LRFN4: variants seen among roughly 807,000 people sequenced by gnomAD.
LRFN4 encodes leucine-rich repeat and fibronectin type-III domain-containing protein 4.
A neutral mutation model predicts 29.0 loss-of-function variants in LRFN4; 10 were observed. The observed-to-expected ratio is 0.35, with a 90% CI of 0.21 to 0.59. The LOEUF (loss-of-function observed/expected upper bound fraction) is 0.59, where lower values mean the gene tolerates loss of function less well. Among genes scored for constraint, LRFN4 ranks in the 20% least tolerant of loss-of-function variants. LRFN4 has a pLI of 0.82. For synonymous variants in LRFN4, 493 were observed against 437.0 expected, an observed-to-expected ratio of 1.13 and a Z score of -1.60; for missense variants, 850 against 907.9, an observed-to-expected ratio of 0.94 and a Z score of 0.82.
chr11:66,858,958 C>A lies in LRFN4; in HGVS notation c.1214C>A (p.Ser405Tyr). The change falls in exon 1 of 2, where the codon TCT becomes TAT. Residue 405 changes from serine to tyrosine, a missense_variant. Ser to Tyr is a moderately radical substitution (Grantham distance 144, BLOSUM62 -2). Around this residue, in one of 2 missense-constraint regions of LRFN4, gnomAD observed 744 missense variants for 753.8 expected, o/e 0.99. Transcript: ENST00000309602. The surrounding 1 kb of genome is among the most constrained non-coding windows in gnomAD (Gnocchi z 5.9). ...GCCGAGGGTGAGGGGACGCTGGAGT[C>A]TGAGCCAGCCGTGCAGGTGACGGAG... is the stretch of plus-strand genomic sequence containing the variant. ...TAAEGEGTLE[S>Y]EPAVQVTEVT... 6.3e-7 allele frequency: 1 copy of A among 1,576,922 alleles called. No homozygotes were observed. Among genetic ancestry groups the A allele is most frequent in the South Asian group, 1.1e-5 (1 of 86,970 alleles).
chr11:66,857,668 T>C lies in LRFN4; in HGVS notation c.-77T>C. The C allele has an allele frequency of 6.9e-7, 1 of 1,453,386 alleles. No individual in the cohort carries two copies. Among genetic ancestry groups the C allele is most frequent in the African/African-American group, 1.4e-5 (1 of 71,020 alleles). 90.0% of individuals were successfully genotyped at this position (1,453,386 alleles called of 1,614,324 possible). On this transcript the variant is annotated 5_prime_UTR_variant, in exon 1 of 2. Coordinates refer to ENST00000309602, the MANE Select transcript of LRFN4 (RefSeq NM_024036.5). This position sits in a 1 kb window ranked among gnomAD's most constrained non-coding sequence, Gnocchi z 7.1. ...GCTCACAGAAGCTGGCTTCTGGGAC[T>C]GTCCTGGGCCCAAGTGGGCACCTGC...
At position 66,859,855 on chromosome 11, in the gene LRFN4, G is replaced by T; in HGVS notation, c.1568G>T (p.Gly523Val). ...VLGGTLTVAV[G>V]GVLVAALLVF... is the part of the protein sequence containing the mutation. ...GGCGGGACCCTGACCGTGGCCGTGG[G>T]GGGTGTGCTGGTGGCTGCCTTACTG... The change falls in exon 2 of 2, where the codon GGG becomes GTG. Residue 523 changes from glycine to valine, a missense_variant. Around this residue, in one of 2 missense-constraint regions of LRFN4, gnomAD observed 744 missense variants for 753.8 expected, o/e 0.99. Coordinates refer to ENST00000309602, the MANE Select transcript of LRFN4 (RefSeq NM_024036.5). 6.4e-7 allele frequency: 1 copy of T among 1,564,448 alleles called. No homozygotes were observed. The highest frequency in any genetic ancestry group is 8.7e-7 in the Non-Finnish European group (1 of 1,154,500).
rs1447738011 is a variant in LRFN4 at position 66,858,199 on chromosome 11, T to A, written c.455T>A (p.Leu152Gln). 1 of 1,612,330 alleles carries A rather than the reference T, an allele frequency of 6.2e-7. No homozygotes were observed. The highest frequency in any genetic ancestry group is 8.5e-7 in the Non-Finnish European group (1 of 1,179,752). The change falls in exon 1 of 2, where the codon CTG (leucine) becomes CAG (glutamine). Residue 152 changes from leucine to glutamine, a missense_variant. By Grantham distance (113) the Leu-to-Gln change is moderately radical. Coordinates refer to ENST00000309602, the MANE Select transcript of LRFN4 (RefSeq NM_024036.5). This position sits in a 1 kb window ranked among gnomAD's most constrained non-coding sequence, Gnocchi z 5.9. ...DFLESLEDLD[L>Q]SYNNLRQVPW... is the part of the protein sequence containing the mutation. ...CTAGAGAGCCTGGAGGACCTGGACC[T>A]GTCCTACAACAACCTCCGGCAGGTG...
chr11:66,859,732 G>C lies in LRFN4; in HGVS notation c.1445G>C (p.Gly482Ala), dbSNP rs780659355. The C allele has an allele frequency of 1.9e-6, 3 of 1,610,920 alleles. No homozygotes were observed. The highest frequency in any genetic ancestry group is 2.5e-6 in the Non-Finnish European group (3 of 1,179,078). ...LCLLALSPAA[G>A]PSDLTATRLL... The stretch of plus-strand genomic sequence containing the variant: ...CTGCTGGCCTTGTCACCGGCCGCTG[G>C]GCCCTCTGACCTCACGGCCACCAGG... Residue 482 changes from glycine (G) to alanine (A), a missense_variant, in exon 2 of 2, where the codon GGG becomes GCG. By Grantham distance (60) the Gly-to-Ala change is moderately conservative. Transcript: ENST00000309602.
chr11:66,857,722 C>T lies in LRFN4; in HGVS notation c.-23C>T. 6.3e-7 allele frequency: 1 copy of T among 1,575,596 alleles called. No individual in the cohort carries two copies. Among genetic ancestry groups the T allele is most frequent in the Non-Finnish European group, 8.6e-7 (1 of 1,166,472 alleles). ...AGCCCCACCTGTGCCTGGGCTGTGG[C>T]CCCTTCCTACAGGGCGCTCACCATG... On this transcript the variant is annotated 5_prime_UTR_variant, in exon 1 of 2. Coordinates refer to ENST00000309602, the MANE Select transcript of LRFN4 (RefSeq NM_024036.5). This position sits in a 1 kb window ranked among gnomAD's most constrained non-coding sequence, Gnocchi z 7.1.
rs1488026356 is a variant in LRFN4, at chr11:66,857,786, G to A, written c.42G>A (p.Ala14=). The change falls in exon 1 of 2, where the codon GCG becomes GCA. Residue 14 remains alanine, a synonymous_variant. Coordinates refer to ENST00000309602, the MANE Select transcript of LRFN4 (RefSeq NM_024036.5). The surrounding 1 kb of genome is among the most constrained non-coding windows in gnomAD (Gnocchi z 7.1). ...TGCTGCTGCTGCTGGCCAGTGGAGC[G>A]GCCGCCTGCCCGCTGCCCTGCGTCT... ...PLLLLLLASG[A]AACPLPCVCQ... The A allele has an allele frequency of 2.5e-6, 4 of 1,597,034 alleles. No individual in the cohort carries two copies. The highest frequency in any genetic ancestry group is 4.5e-5 in the East Asian group (2 of 44,744).
Position 66,860,256 on chromosome 11 carries a change from CCGCCG to C in LRFN4, c.*63_*67del. ...GCCTCGTGGGGCAGAGGGCCCGGGG[CCGCCG>C]CCTGGCCTGGGAGTCCCTCCCTGGT... On this transcript the variant is annotated 3_prime_UTR_variant, in exon 2 of 2. Coordinates refer to ENST00000309602, the MANE Select transcript of LRFN4 (RefSeq NM_024036.5). 1 of 1,534,998 alleles carries C rather than the reference CCGCCG, an allele frequency of 6.5e-7. No homozygotes were observed. Among genetic ancestry groups the C allele is most frequent in the Non-Finnish European group, 8.7e-7 (1 of 1,144,858 alleles).
At position 66,860,339 on chromosome 11, in the gene LRFN4, C is replaced by T; in HGVS notation, c.*144C>T. 1 of 1,248,784 alleles carries T rather than the reference C, an allele frequency of 8.0e-7. No homozygotes were observed. Among genetic ancestry groups the T allele is most frequent in the East Asian group, 2.5e-5 (1 of 39,534 alleles). 77.4% of individuals were successfully genotyped at this position (1,248,784 alleles called of 1,614,324 possible). On this transcript the variant is annotated 3_prime_UTR_variant, in exon 2 of 2. Transcript: ENST00000309602. The stretch of plus-strand genomic sequence containing the variant: ...TGTGTACTTGGAGGGGCAGGGAGCC[C>T]TTTCCTCGGTTCTGGCCTCCAGACC...
chr11:66,860,055 G>A lies in LRFN4; in HGVS notation c.1768G>A (p.Asp590Asn), dbSNP rs766964353. ...GCGCAGCTGCTCTCTGGACCTGGGA[G>A]ATGCCGGGTGCTACGGTTATGCCAG... is the stretch of plus-strand genomic sequence containing the variant. ...PQRSCSLDLGDAGCYGYARRL... is the reference protein window; with the variant it reads ...PQRSCSLDLGNAGCYGYARRL... The change falls in exon 2 of 2, where the codon GAT (aspartate) becomes AAT (asparagine). Residue 590 changes from aspartate to asparagine, a missense_variant. Physicochemically the swap from Asp to Asn is conservative, Grantham distance 23. Around this residue, in one of 2 missense-constraint regions of LRFN4, gnomAD observed 744 missense variants for 753.8 expected, o/e 0.99. Transcript: ENST00000309602. The A allele has an allele frequency of 5.2e-5, 81 of 1,569,848 alleles. No homozygotes were observed. Among genetic ancestry groups the A allele is most frequent in the Non-Finnish European group, 4.3e-6 (5 of 1,158,466 alleles).
At position 66,857,650 on chromosome 11, in the gene LRFN4, G is replaced by A; in HGVS notation, c.-95G>A. The A allele has an allele frequency of 7.3e-7, 1 of 1,371,442 alleles. No homozygotes were observed. The allele number at this position is 1,371,442 out of a possible 1,614,324, so 85.0% of individuals were successfully genotyped here. A position where few individuals can be genotyped will look rare whatever the true frequency, so the allele number is the denominator to read the frequency against. On this transcript the variant is annotated 5_prime_UTR_variant, in exon 1 of 2. Transcript: ENST00000309602. The surrounding 1 kb of genome is among the most constrained non-coding windows in gnomAD (Gnocchi z 7.1). ...AGCCCCTCCCCGGGCCAGGCTCACA[G>A]AAGCTGGCTTCTGGGACTGTCCTGG... is the stretch of plus-strand genomic sequence containing the variant.
rs1241579508 is a variant in LRFN4, at chr11:66,858,641, G to A, written c.897G>A (p.Thr299=). The A allele has an allele frequency of 6.5e-6, 10 of 1,539,012 alleles. No homozygotes were observed. In the Admixed American group the frequency reaches 1.4e-4, roughly 21 times the overall value. ...RLWVLEGQRA[T]LRCRALGDPA... ...GGGTGCTGGAAGGCCAGCGGGCCAC[G>A]CTGCGGTGCCGGGCCCTGGGTGACC... Residue 299 remains threonine, a synonymous_variant, in exon 1 of 2, where the codon ACG becomes ACA. Transcript: ENST00000309602. This position sits in a 1 kb window ranked among gnomAD's most constrained non-coding sequence, Gnocchi z 5.9.
In LRFN4 at chr11:66,857,371, G is replaced by A. The variant is rs1945926200; in HGVS notation, c.-374G>A. On this transcript the variant is annotated 5_prime_UTR_variant, in exon 1 of 2. Coordinates refer to ENST00000309602, the MANE Select transcript of LRFN4 (RefSeq NM_024036.5). This position sits in a 1 kb window ranked among gnomAD's most constrained non-coding sequence, Gnocchi z 7.1. ...GGACTCCACGGGAGGTTCGGGGGGC[G>A]CCTTCTCTGGCGGGGGAGGGTATGG... The A allele has an allele frequency of 1.0e-5, 2 of 193,770 alleles. No homozygotes were observed. The highest frequency in any genetic ancestry group is 2.3e-5 in the African/African-American group (1 of 42,762). The allele number at this position is 193,770 out of a possible 1,614,324, so 12.0% of individuals were successfully genotyped here.
At position 66,860,066 on chromosome 11, in the gene LRFN4, C is replaced by A. The variant is rs1251286190; in HGVS notation, c.1779C>A (p.Cys593Ter). 6.4e-7 allele frequency: 1 copy of A among 1,564,126 alleles called. No individual in the cohort carries two copies. The change falls in exon 2 of 2, where the codon TGC becomes TGA. Residue 593 changes from cysteine to a stop codon, truncating the protein, a stop_gained. Transcript: ENST00000309602. LOFTEE classifies it high-confidence loss of function. The stretch of plus-strand genomic sequence containing the variant: ...CTCTGGACCTGGGAGATGCCGGGTG[C>A]TACGGTTATGCCAGGCGCCTGGGAG... ...SCSLDLGDAG[C>*]YGYARRLGGA...
rs1265440558 is a variant in LRFN4 at position 66,859,913 on chromosome 11, G to A, written c.1626G>A (p.Arg542=). The change falls in exon 2 of 2, where the codon CGG becomes CGA. Residue 542 remains arginine (R), a synonymous_variant. Coordinates refer to ENST00000309602, the MANE Select transcript of LRFN4 (RefSeq NM_024036.5). ...CTGTGGCCTTGCTGGTTCGGGGCCG[G>A]GGGGCCGGAAATGGCCGCCTCCCCC... ...VFTVALLVRG[R]GAGNGRLPLK... The A allele has an allele frequency of 1.0e-5, 16 of 1,583,156 alleles. 1 individual carries two copies. In the South Asian group the frequency reaches 1.7e-4, roughly 17 times the overall value.
At position 66,859,696 on chromosome 11, in the gene LRFN4, A is replaced by G; in HGVS notation, c.1409A>G (p.Tyr470Cys). The G allele has an allele frequency of 4.3e-6, 7 of 1,612,714 alleles. No individual in the cohort carries two copies. Among genetic ancestry groups the G allele is most frequent in the Non-Finnish European group, 5.9e-6 (7 of 1,179,814 alleles). Reference sequence around the variant, plus strand: ...AAGCACCTCGTCCCCGGCGCTGACTATGACCTCTGCCTGCTGGCCTTGTCA... The same window carrying G: ...AAGCACCTCGTCCCCGGCGCTGACTGTGACCTCTGCCTGCTGGCCTTGTCA... Reference protein sequence around the residue: ...LLKHLVPGADYDLCLLALSPA... With the variant: ...LLKHLVPGADCDLCLLALSPA... The change falls in exon 2 of 2, where the codon TAT becomes TGT. Residue 470 changes from tyrosine to cysteine, a missense_variant. Physicochemically the swap from Tyr to Cys is radical, Grantham distance 194. This residue lies in a region of LRFN4 where 744 missense variants were observed against 753.8 expected (regional missense o/e 0.99). Coordinates refer to ENST00000309602, the MANE Select transcript of LRFN4 (RefSeq NM_024036.5).
Position 66,858,617 on chromosome 11 carries a change from G to C in LRFN4, c.873G>C (p.Trp291Cys), listed in dbSNP as rs1472804389. ...PLIARHTQRL[W>C]VLEGQRATLR... ...TTGCCCGCCACACGCAGCGCCTCTG[G>C]GTGCTGGAAGGCCAGCGGGCCACGC... Residue 291 changes from tryptophan to cysteine, a missense_variant, in exon 1 of 2, where the codon TGG becomes TGC. Physicochemically the swap from Trp to Cys is radical, Grantham distance 215. Transcript: ENST00000309602. The surrounding 1 kb of genome is among the most constrained non-coding windows in gnomAD (Gnocchi z 5.9). The C allele has an allele frequency of 2.0e-6, 3 of 1,536,018 alleles. No individual in the cohort carries two copies. The highest frequency in any genetic ancestry group is 2.6e-6 in the Non-Finnish European group (3 of 1,143,974).
chr11:66,860,206 GCTTCCT>G lies in LRFN4; in HGVS notation c.*12_*17del, dbSNP rs768843553. Reference sequence around the variant, plus strand: ...GAGAGTGTGGTGTGATGGACGGGCAGCTTCCTGTGTGCTCCAAGGGATGAGCCTCGT... The same window carrying G: ...GAGAGTGTGGTGTGATGGACGGGCAGGTGTGCTCCAAGGGATGAGCCTCGT... On this transcript the variant is annotated 3_prime_UTR_variant, in exon 2 of 2. Coordinates refer to ENST00000309602, the MANE Select transcript of LRFN4 (RefSeq NM_024036.5). 134 of 1,542,320 alleles carry G rather than the reference GCTTCCT, an allele frequency of 8.7e-5. No homozygotes were observed. The highest frequency in any genetic ancestry group is 1.2e-4 in the Non-Finnish European group (133 of 1,147,384).
rs1454713055 is a variant in LRFN4, at chr11:66,858,946, G to C, written c.1202G>C (p.Gly401Ala). Residue 401 changes from glycine to alanine, a missense_variant, in exon 1 of 2, where the codon GGG becomes GCG. Physicochemically the swap from Gly to Ala is moderately conservative, Grantham distance 60. This residue lies in a region of LRFN4 where 744 missense variants were observed against 753.8 expected (regional missense o/e 0.99). Transcript: ENST00000309602. The surrounding 1 kb of genome is among the most constrained non-coding windows in gnomAD (Gnocchi z 5.9). ...ASARTAAEGEGTLESEPAVQV... is the reference protein window; with the variant it reads ...ASARTAAEGEATLESEPAVQV... ...GCTCGCACTGCTGCCGAGGGTGAGGGGACGCTGGAGTCTGAGCCAGCCGTG... is the reference window on the plus strand; with the variant it reads ...GCTCGCACTGCTGCCGAGGGTGAGGCGACGCTGGAGTCTGAGCCAGCCGTG... 17 of 1,577,198 alleles carry C rather than the reference G, an allele frequency of 1.1e-5. No homozygotes were observed. Among genetic ancestry groups the C allele is most frequent in the Non-Finnish European group, 1.5e-5 (17 of 1,158,466 alleles).
Position 66,858,715 on chromosome 11 carries a change from A to G in LRFN4, c.971A>G (p.Asn324Ser), listed in dbSNP as rs774498707. 1.4e-5 allele frequency: 22 copies of G among 1,550,056 alleles called. 1 individual carries two copies. The highest frequency in any genetic ancestry group is 5.9e-5 in the South Asian group (5 of 84,660). ...WVGPDDRLVG[N>S]SSRARAFPNG... is the part of the protein sequence containing the mutation. ...GGTCCTGACGACCGGTTGGTTGGCA[A>G]CTCCTCCCGAGCCCGGGCTTTCCCC... The change falls in exon 1 of 2, where the codon AAC becomes AGC. Residue 324 changes from asparagine (N) to serine (S), a missense_variant. Coordinates refer to ENST00000309602, the MANE Select transcript of LRFN4 (RefSeq NM_024036.5). This position sits in a 1 kb window ranked among gnomAD's most constrained non-coding sequence, Gnocchi z 5.9.
Sources: gnomAD v4.1 joint callset for allele counts on GRCh38, gnomAD v4.1.1 for gene constraint, gnomAD v4.1.1 regional missense constraint, Gnocchi (gnomAD v3.1) non-coding constraint, MANE v1.5 for transcripts, NCBI Gene and HGNC (gene_info 2026-07-23, HGNC 2026-07-21) for gene names.